Variants in GALNT10 observed in about 807,000 individuals in gnomAD.
The protein encoded by GALNT10 is polypeptide N-acetylgalactosaminyltransferase 10, also known as GalNAc transferase 10.
A neutral mutation model predicts 75.0 loss-of-function variants in GALNT10; 41 were observed. That is an observed-to-expected ratio of 0.55 (90% CI 0.43 to 0.71). The LOEUF (loss-of-function observed/expected upper bound fraction) is 0.71. Ranked by LOEUF, GALNT10 falls within the 30% of genes least tolerant of loss-of-function variation. The probability of loss-of-function intolerance (pLI) is 0.00; values close to 1 mark genes in which losing one functional copy is unlikely to be tolerated. For missense variants in GALNT10, 727 were observed against 818.5 expected (o/e 0.89, Z 1.36); for synonymous variants, 302 against 313.0 (o/e 0.96, Z 0.37).
chr5:154,308,881 C>T (rs1754471233), intron 3 of GALNT10, among the ~76,000 whole-genome samples: 1 of 152,168 alleles, frequency 6.6e-6, no homozygotes, highest in Admixed American at 6.5e-5. Flanking sequence ...ATTTTGTGTG[C>T]TTACTGTATG....
At chr5:154,360,450 T>TAA (rs11308900) in intron 4 of GALNT10, among the ~76,000 whole-genome samples, 1 of 133,720 alleles carries the variant, frequency 7.5e-6, no homozygotes, top group South Asian at 2.4e-4. Flanking sequence ...AAACTCCATC[T>TAA]AAAAAAAAAA....
At chr5:154,405,702 C>T (rs1041322167) in intron 8 of GALNT10, among the ~76,000 whole-genome samples, 3 of 151,988 alleles carry the variant, frequency 2.0e-5, no homozygotes, top group East Asian at 3.9e-4. Context: ...TAAAAATAGC[C>T]GGGCGCAGTG....
At chr5:154,248,512 T>C (rs1240573316) in intron 1 of GALNT10, among the ~76,000 whole-genome samples, 1 of 152,242 alleles carries the variant, frequency 6.6e-6, no homozygotes, top group Admixed American at 6.5e-5. Flanking sequence ...TATTCAGAGA[T>C]TCAACTTCTT....
At chr5:154,290,225 G>A (rs1478897649) in intron 1 of GALNT10, among the ~76,000 whole-genome samples, 2 of 147,604 alleles carry the variant, frequency 1.4e-5, no homozygotes, top group African/African-American at 5.0e-5. Context: ...CCAAATAGCT[G>A]GGATTATAGG....
At chr5:154,295,516 A>G (rs542649987) in intron 2 of GALNT10, among the ~76,000 whole-genome samples, 1 of 152,312 alleles carries the variant, frequency 6.6e-6, no homozygotes, top group East Asian at 1.9e-4. Flanking sequence ...CACTGCAGCC[A>G]TGAGACTGAG....
At chr5:154,340,218 T>C (rs1561665800) in intron 4 of GALNT10, among the ~76,000 whole-genome samples, 1 of 152,220 alleles carries the variant, frequency 6.6e-6, no homozygotes, top group Non-Finnish European at 1.5e-5. Context: ...AAAGTGCTCA[T>C]TTGCCTGTAT....
chr5:154,330,119 C>T (rs927883814), intron 4 of GALNT10, among the ~76,000 whole-genome samples: 1 of 152,242 alleles, frequency 6.6e-6, no homozygotes, highest in Admixed American at 6.5e-5. Flanking sequence ...AAGAACCAGG[C>T]TGTTTCTTTG....
chr5:154,226,211 G>GAACTT (rs1343107566), intron 1 of GALNT10, among the ~76,000 whole-genome samples: 1 of 152,060 alleles, frequency 6.6e-6, no homozygotes, highest in African/African-American at 2.4e-5. Context: ...CTAATACAGG[G>GAACTT]AACTTAGCAT....
At chr5:154,313,132 A>G (rs533449272) in intron 3 of GALNT10, among the ~76,000 whole-genome samples, 1 of 152,296 alleles carries the variant, frequency 6.6e-6, no homozygotes, top group African/African-American at 2.4e-5. Context: ...AACATGGTGA[A>G]ACCACATCTC....
At chr5:154,342,763 G>A (rs1340297173) in intron 4 of GALNT10, among the ~76,000 whole-genome samples, 1 of 152,126 alleles carries the variant, frequency 6.6e-6, no homozygotes, top group Non-Finnish European at 1.5e-5. Flanking sequence ...GCTATAACAG[G>A]CCTGTGTGGA....
chr5:154,397,380 C>T lies in GALNT10; in HGVS notation c.1057-6724C>T, dbSNP rs556920251. Among the ~76,000 whole-genome samples the T allele has an allele frequency of 1.1e-4, 17 of 152,218 alleles. No individual in the cohort carries two copies. The South Asian group carries it at 3.5e-3, about 32-fold the overall frequency. The stretch of plus-strand genomic sequence containing the variant: ...TTCATGCAACGCCCTCCACCAGTAG[C>T]GATGGGCCACGTGCCCACAGGACAC... On this transcript the variant is annotated intron_variant, in intron 7 of 11. Coordinates refer to ENST00000297107, the MANE Select transcript of GALNT10 (RefSeq NM_198321.4).
At chr5:154,278,481 A>C (rs1384321701) in intron 1 of GALNT10, among the ~76,000 whole-genome samples, 1 of 152,250 alleles carries the variant, frequency 6.6e-6, no homozygotes, top group Non-Finnish European at 1.5e-5. Context: ...GAAGGGTATT[A>C]GAATATGTAA....
intron 4 of GALNT10, among the ~76,000 whole-genome samples, chr5:154,330,908 G>GGGGTGTGTGTGTGTGTGTGTGTGT (rs769311099): frequency 3.2e-5 from 4 of 125,920 alleles, no homozygotes; most frequent in Admixed American, 9.4e-5. Flanking sequence ...AGACAGAGAG[G>GGGGTGTGTGTGTGTGTGTGTGTGT]GTGTGTGTGT....
At chr5:154,299,097 A>T (rs1056559388) in intron 3 of GALNT10, among the ~76,000 whole-genome samples, 1 of 152,228 alleles carries the variant, frequency 6.6e-6, no homozygotes, top group Admixed American at 6.5e-5. Context: ...AAAAGCTAAC[A>T]TTTATTAGTT....
intron 4 of GALNT10, among the ~76,000 whole-genome samples, chr5:154,346,378 A>G (rs1247545242): frequency 1.3e-5 from 2 of 152,180 alleles, no homozygotes; most frequent in East Asian, 1.9e-4. Flanking sequence ...GAACCTCCAT[A>G]CTGTTTTCCA....
chr5:154,368,092 A>G (rs765746041), intron 4 of GALNT10, among the ~76,000 whole-genome samples: 1 of 152,210 alleles, frequency 6.6e-6, no homozygotes, highest in Non-Finnish European at 1.5e-5. Flanking sequence ...GCTTGTTAAA[A>G]TCCGGCTCAG....
At chr5:154,398,543 G>A (rs1756092591) in intron 7 of GALNT10, among the ~76,000 whole-genome samples, 1 of 152,206 alleles carries the variant, frequency 6.6e-6, no homozygotes, top group African/African-American at 2.4e-5. Context: ...GTATGTCTGG[G>A]CTGGGGATGG....
chr5:154,413,237 C>G (rs1265328513), intron 10 of GALNT10, among the ~76,000 whole-genome samples: 1 of 152,206 alleles, frequency 6.6e-6, no homozygotes, highest in Admixed American at 6.5e-5. Flanking sequence ...ACACTCAGCC[C>G]AAATGGCCTT....
chr5:154,288,457 G>A (rs755197557), intron 1 of GALNT10, among the ~76,000 whole-genome samples: 1 of 147,036 alleles, frequency 6.8e-6, no homozygotes. Context: ...AACACTAATC[G>A]ATTCTTTTAG....
Sources: allele counts gnomAD v4.1 joint callset (sites outside exome capture counted in the v4.1 genomes callset), GRCh38; gene constraint gnomAD v4.1.1; transcripts MANE v1.5; gene names NCBI Gene and HGNC (gene_info 2026-07-23, HGNC 2026-07-21).